PLEKHG4B: variants seen among roughly 807,000 people sequenced by gnomAD.
PLEKHG4B encodes pleckstrin homology and RhoGEF domain containing G4B, also known as pleckstrin homology domain-containing family G member 4B.
Under a neutral mutation model 121.3 loss-of-function variants are expected in PLEKHG4B, and 111 were observed. The observed-to-expected ratio is 0.92, with a 90% CI of 0.78 to 1.07. The LOEUF is 1.07. PLEKHG4B is among the 50% of genes least tolerant of loss of function. The pLI, the probability that PLEKHG4B is intolerant of heterozygous loss-of-function variation, is 0.00. For synonymous variants in PLEKHG4B, 738 were observed against 725.0 expected (o/e 1.02, Z -0.29); for missense variants, 1,831 against 1,757.8 (o/e 1.04, Z -0.74).
intron 2 of PLEKHG4B, among the ~76,000 whole-genome samples, chr5:125,808 A>G (rs1184900374): frequency 1.3e-5 from 2 of 152,164 alleles, no homozygotes; most frequent in Non-Finnish European, 2.9e-5. Flanking sequence ...AAATCCCCCC[A>G]GCTTTTGTTT....
intron 13 of PLEKHG4B, among the ~76,000 whole-genome samples, chr5:164,500 C>CGGGCGG (rs1736177957): frequency 1.2e-5 from 1 of 86,956 alleles, no homozygotes; most frequent in African/African-American, 5.9e-5. Flanking sequence ...AATGCTCTGA[C>CGGGCGG]AGGGGGCGGA....
chr5:107,314 G>T (rs1054629330), intron 1 of PLEKHG4B, among the ~76,000 whole-genome samples: 1 of 152,174 alleles, frequency 6.6e-6, no homozygotes, highest in African/African-American at 2.4e-5. Context: ...GCCCTTCTGG[G>T]ATCCACTGCT....
intron 1 of PLEKHG4B, among the ~76,000 whole-genome samples, chr5:102,325 AG>A (rs1733846129): frequency 6.6e-6 from 1 of 151,000 alleles, no homozygotes; most frequent in Non-Finnish European, 1.5e-5. Flanking sequence ...TTTTTTTTTT[AG>A]GATTTGACTA....
intron 13 of PLEKHG4B, among the ~76,000 whole-genome samples, chr5:164,259 G>A (rs886633165): frequency 8.5e-5 from 13 of 152,230 alleles, no homozygotes; most frequent in Non-Finnish European, 1.3e-4. Context: ...GGATGAAACT[G>A]CTCCACTTCA....
chr5:127,344 TTA>T (rs1376315056), intron 2 of PLEKHG4B, among the ~76,000 whole-genome samples: 1 of 136,726 alleles, frequency 7.3e-6, no homozygotes, highest in African/African-American at 2.7e-5. Flanking sequence ...TTGGTTTTTA[TTA>T]TTATTATTAT....
At chr5:142,482 C>T (rs1311451005) in intron 3 of PLEKHG4B, among the ~76,000 whole-genome samples, 1 of 151,812 alleles carries the variant, frequency 6.6e-6, no homozygotes, top group African/African-American at 2.4e-5. Context: ...CAGAGTTACA[C>T]ATATCACACA....
chr5:150,940 A>T (rs1735584380), intron 6 of PLEKHG4B, among the ~76,000 whole-genome samples: 1 of 152,250 alleles, frequency 6.6e-6, no homozygotes, highest in Non-Finnish European at 1.5e-5. Context: ...CAACCCAGTT[A>T]TCCTTCAGCT....
At chr5:166,773 C>T (rs1446720586) in intron 13 of PLEKHG4B, among the ~76,000 whole-genome samples, 1 of 152,182 alleles carries the variant, frequency 6.6e-6, no homozygotes. Context: ...TTAATCTGAA[C>T]GGAGAAGGCC....
intron 2 of PLEKHG4B, among the ~76,000 whole-genome samples, chr5:116,366 TATA>T (rs1734307447): frequency 6.6e-6 from 1 of 152,160 alleles, no homozygotes; most frequent in African/African-American, 2.4e-5. Flanking sequence ...TCATAACAGA[TATA>T]ATAATAATGA....
chr5:105,486 G>A lies in PLEKHG4B; in HGVS notation c.46-7765G>A, dbSNP rs149190213. Among the ~76,000 whole-genome samples, 433 of 152,330 alleles carry A rather than the reference G, an allele frequency of 2.8e-3. 1 individual carries two copies. Among genetic ancestry groups the A allele is most frequent in the Non-Finnish European group, 4.7e-3 (317 of 68,036 alleles). On this transcript the variant is annotated intron_variant, in intron 1 of 19. Coordinates refer to ENST00000637938, the MANE Select transcript of PLEKHG4B (RefSeq NM_052909.5). The stretch of plus-strand genomic sequence containing the variant: ...TAGAAAAATTAGTTTCAATCATCTT[G>A]TCAATGGTATCATCCAGAATTAGTT...
chr5:151,906 T>G (rs767495045), intron 7 of PLEKHG4B, among the ~76,000 whole-genome samples: 3 of 152,232 alleles, frequency 2.0e-5, no homozygotes, highest in Non-Finnish European at 2.9e-5. Context: ...TTTTGTTACA[T>G]CTAGAATTCT....
chr5:95,331 G>A (rs1005396801), intron 1 of PLEKHG4B, among the ~76,000 whole-genome samples: 7 of 151,920 alleles, frequency 4.6e-5, no homozygotes, highest in South Asian at 2.1e-4. Context: ...CCCTGTGCCC[G>A]CCCACATCCA....
rs773984036 is a variant in PLEKHG4B at position 156,845 on chromosome 5, G to A, written c.2421G>A (p.Ser807=). 14 of 1,604,486 alleles carry A rather than the reference G, an allele frequency of 8.7e-6. No homozygotes were observed. The highest frequency in any genetic ancestry group is 6.8e-5 in the East Asian group (3 of 44,288). The stretch of plus-strand genomic sequence containing the variant: ...AGGTGCACAGGCTGGTCCTCACCTC[G>A]AACAATCGTCTCCAGCAGCTGGAGC... ...DEEVHRLVLT[S]NNRLQQLEHL... Residue 807 remains serine (S), a synonymous_variant, in exon 11 of 20, where the codon TCG becomes TCA. Coordinates refer to ENST00000637938, the MANE Select transcript of PLEKHG4B (RefSeq NM_052909.5). This position sits in a 1 kb window ranked among gnomAD's most constrained non-coding sequence, Gnocchi z 4.4.
chr5:97,743 G>A (rs1448791949), intron 1 of PLEKHG4B, among the ~76,000 whole-genome samples: 1 of 152,096 alleles, frequency 6.6e-6, no homozygotes, highest in Non-Finnish European at 1.5e-5. Context: ...GTGCTGCTGT[G>A]AACATGTGTT....
At chr5:168,459 C>G (rs1338850305) in intron 13 of PLEKHG4B, among the ~76,000 whole-genome samples, 1 of 152,142 alleles carries the variant, frequency 6.6e-6, no homozygotes. Flanking sequence ...AGCTGACCCT[C>G]GAGAAAACCT....
intron 1 of PLEKHG4B, among the ~76,000 whole-genome samples, chr5:97,447 T>C (rs72710816): frequency 0.13 from 17,851 of 134,132 alleles, 2,790 homozygotes; most frequent in African/African-American, 0.3. Context: ...TATCAAGCTG[T>C]TTGTCCACAT....
chr5:162,530 G>A (rs1736050732), intron 12 of PLEKHG4B, among the ~76,000 whole-genome samples, 192 bp from the exon 13 acceptor site: 1 of 152,246 alleles, frequency 6.6e-6, no homozygotes, highest in Non-Finnish European at 1.5e-5. Flanking sequence ...AGACCCCATG[G>A]GGTCAGACAC....
intron 2 of PLEKHG4B, among the ~76,000 whole-genome samples, chr5:126,282 T>TCTG (rs1203282188): frequency 6.6e-6 from 1 of 152,244 alleles, no homozygotes; most frequent in African/African-American, 2.4e-5. Context: ...TTTTCTTTCT[T>TCTG]CTGCCTGCTC....
chr5:162,867 C>A lies in PLEKHG4B; in HGVS notation c.2795C>A (p.Ala932Asp). Residue 932 changes from alanine to aspartate, a missense_variant, in exon 13 of 20, where the codon GCC becomes GAC. Coordinates refer to ENST00000637938, the MANE Select transcript of PLEKHG4B (RefSeq NM_052909.5). ...GAGVAVLKPH[A>D]LGKPWASQQD... is the part of the protein sequence containing the mutation. ...GGTGTGGCAGTGCTGAAGCCTCATG[C>A]CCTGGGGAAACCGTGGGCATCACAG... is the stretch of plus-strand genomic sequence containing the variant. The A allele has an allele frequency of 6.6e-7, 1 of 1,519,920 alleles. No individual in the cohort carries two copies. The highest frequency in any genetic ancestry group is 2.1e-5 in the Admixed American group (1 of 47,160). The allele number at this position is 1,519,920 out of a possible 1,614,324, so 94.2% of individuals were successfully genotyped here.
Sources: gnomAD v4.1 joint callset for allele counts (sites outside exome capture counted in the v4.1 genomes callset) on GRCh38, gnomAD v4.1.1 for gene constraint, Gnocchi (gnomAD v3.1) non-coding constraint, MANE v1.5 for transcripts, NCBI Gene and HGNC (gene_info 2026-07-23, HGNC 2026-07-21) for gene names.